The following TMEM131L variants were observed in gnomAD, a reference collection of about 807,000 sequenced individuals.
TMEM131L encodes transmembrane protein 131-like.
In TMEM131L, 54 loss-of-function variants were observed where a neutral mutation model predicts 192.2. The ratio of observed to expected loss-of-function variants is 0.28; its 90% CI spans 0.23 to 0.35. The LOEUF (loss-of-function observed/expected upper bound fraction) is 0.35, where lower values mean the gene tolerates loss of function less well. Ranked by LOEUF, TMEM131L falls within the 10% of genes least tolerant of loss-of-function variation. TMEM131L has a pLI of 1.00. For synonymous variants in TMEM131L, 701 were observed against 704.9 expected (o/e 0.99, Z 0.09); for missense variants, 1,888 against 1,972.9 (o/e 0.96, Z 0.82).
chr4:153,484,460 TTTTTA>T (rs1732163753), intron 3 of TMEM131L, among the ~76,000 whole-genome samples: 2 of 151,686 alleles, frequency 1.3e-5, no homozygotes, highest in South Asian at 2.1e-4. Flanking sequence ...ATTTTTATTA[TTTTTA>T]TTTTATTTTT....
At chr4:153,546,654 G>T (rs912836608) in intron 3 of TMEM131L, among the ~76,000 whole-genome samples, 1 of 152,152 alleles carries the variant, frequency 6.6e-6, no homozygotes, top group Admixed American at 6.5e-5. Flanking sequence ...TGAGCCAGGC[G>T]CAGTGGCTCA....
intron 21 of TMEM131L, among the ~76,000 whole-genome samples, chr4:153,601,289 T>C (rs571167491): frequency 1.9e-4 from 29 of 152,224 alleles, no homozygotes; most frequent in Admixed American, 7.9e-4. Flanking sequence ...CCCAGCACTT[T>C]AGGTTTCTGA....
At chr4:153,598,059 T>C (rs1335161113) in intron 20 of TMEM131L, among the ~76,000 whole-genome samples, 1 of 152,048 alleles carries the variant, frequency 6.6e-6, no homozygotes. Context: ...ATACATGTTA[T>C]TTATGGGGTA....
intron 2 of TMEM131L, among the ~76,000 whole-genome samples, chr4:153,473,558 C>T (rs943883839): frequency 9.9e-5 from 15 of 152,130 alleles, no homozygotes; most frequent in African/African-American, 3.6e-4. Context: ...CTTTGGGAGG[C>T]CGAGGCGGGT....
At position 153,528,331 on chromosome 4, in the gene TMEM131L, T is replaced by G. The variant is rs568813874; in HGVS notation, c.240-21742T>G. 2.1e-4 allele frequency among the ~76,000 whole-genome samples: 32 copies of G among 152,352 alleles called. No homozygotes were observed. In the East Asian group the frequency reaches 5.8e-3, roughly 28 times the overall value. ...TTGTGTGGGTGATAAAACATAAGTT[T>G]TGTATTTGATGTATCCTTTTCCAGT... On this transcript the variant is annotated intron_variant, in intron 3 of 34. Coordinates refer to ENST00000409959, the MANE Select transcript of TMEM131L (RefSeq NM_001131007.2).
At chr4:153,466,656 G>C (rs74511273) in intron 1 of TMEM131L, 135 bp downstream of exon 1, 1 of 866,944 alleles carries the variant, frequency 1.2e-6, no homozygotes, top group Non-Finnish European at 1.5e-6. Context: ...AAGCTGTTGC[G>C]ATTCTCCGCT....
chr4:153,467,388 C>A, intron 2 of TMEM131L, 107 bp downstream of exon 2: 1 of 972,050 alleles, frequency 1.0e-6, no homozygotes, highest in Non-Finnish European at 1.6e-6. Flanking sequence ...GCGTTCGGGC[C>A]ACTTTGCAAG....
In TMEM131L at chr4:153,586,441, C is replaced by G. The variant is rs141927868; in HGVS notation, c.1482+62C>G. On this transcript the variant is annotated intron_variant, in intron 14 of 34. Coordinates refer to ENST00000409959, the MANE Select transcript of TMEM131L (RefSeq NM_001131007.2). ...CTTAATTACTGTTGCTTTTTATTAA[C>G]CTTTAGTGCTTGAGTTTTATTAACT... is the stretch of plus-strand genomic sequence containing the variant. 1.5e-3 allele frequency: 1,912 copies of G among 1,261,974 alleles called. 9 individuals are homozygous for G. The highest frequency in any genetic ancestry group is 9.3e-3 in the South Asian group (613 of 65,888). The allele number at this position is 1,261,974 out of a possible 1,614,324, so 78.2% of individuals were successfully genotyped here.
In TMEM131L at chr4:153,585,386, T is replaced by G. The variant is rs1414002699; in HGVS notation, c.1158-72T>G. On this transcript the variant is annotated intron_variant, in intron 12 of 34. Transcript: ENST00000409959. ...TTTTATGATGCTCCTGTTTTTGCAA[T>G]TAGAGGCTCATAAGAGGGCTGACTG... The G allele has an allele frequency of 2.1e-6, 3 of 1,445,862 alleles. No homozygotes were observed. In the East Asian group the frequency reaches 7.0e-5, roughly 34 times the overall value. The allele number at this position is 1,445,862 out of a possible 1,614,324, so 89.6% of individuals were successfully genotyped here. A position where few individuals can be genotyped will look rare whatever the true frequency, so the allele number is the denominator to read the frequency against.
At chr4:153,503,640 G>A (rs1733760537) in intron 3 of TMEM131L, among the ~76,000 whole-genome samples, 1 of 152,166 alleles carries the variant, frequency 6.6e-6, no homozygotes, top group African/African-American at 2.4e-5. Flanking sequence ...CATGATGTGG[G>A]TCCTACAACT....
chr4:153,474,509 GAT>G (rs1489169449), intron 3 of TMEM131L, among the ~76,000 whole-genome samples: 1 of 152,198 alleles, frequency 6.6e-6, no homozygotes, highest in East Asian at 1.9e-4. Flanking sequence ...AGGATGGTGA[GAT>G]AAGGTATGTA....
rs57314018 is a variant in TMEM131L, at chr4:153,532,446, TA to T, written c.240-17614del. Among the ~76,000 whole-genome samples, 710 of 144,798 alleles carry T rather than the reference TA, an allele frequency of 4.9e-3. 5 individuals carry two copies. Among genetic ancestry groups the T allele is most frequent in the African/African-American group, 0.013 (490 of 39,082 alleles). The allele number at this position is 144,798 out of a possible 152,430, so 95.0% of individuals were successfully genotyped here. ...TTACTTGCTATTAGTGCTTTTTTTT[TA>T]AAAAAAAAAAAAGCTTTATTGAGAT... On this transcript the variant is annotated intron_variant, in intron 3 of 34. Coordinates refer to ENST00000409959, the MANE Select transcript of TMEM131L (RefSeq NM_001131007.2).
chr4:153,486,083 G>A (rs1351739606), intron 3 of TMEM131L, among the ~76,000 whole-genome samples: 2 of 152,108 alleles, frequency 1.3e-5, no homozygotes, highest in African/African-American at 4.8e-5. Context: ...GACTAAGTCC[G>A]AGATTAACGG....
chr4:153,627,776 G>A (rs1310675695), intron 31 of TMEM131L, 89 bp downstream of exon 31: 1 of 1,112,666 alleles, frequency 9.0e-7, no homozygotes, highest in African/African-American at 1.5e-5. Flanking sequence ...GACAGAGCAG[G>A]CGGGGTGGGA....
intron 13 of TMEM131L, 147 bp from the exon 14 acceptor site, chr4:153,586,062 T>G (rs1730679261): frequency 3.6e-6 from 2 of 551,620 alleles, no homozygotes; most frequent in South Asian, 8.7e-5. Context: ...ATCATTTCTA[T>G]AAAAATATTC....
At chr4:153,501,872 G>A (rs1733630044) in intron 3 of TMEM131L, among the ~76,000 whole-genome samples, 1 of 151,610 alleles carries the variant, frequency 6.6e-6, no homozygotes, top group South Asian at 2.1e-4. Flanking sequence ...CCTCCAGGAT[G>A]GAGGAAGGAG....
At chr4:153,526,736 C>CAAA (rs562115030) in intron 3 of TMEM131L, among the ~76,000 whole-genome samples, 1 of 115,438 alleles carries the variant, frequency 8.7e-6, no homozygotes, top group Non-Finnish European at 1.8e-5. Flanking sequence ...GACTCTGTCT[C>CAAA]AAAAAAAAAA....
At chr4:153,590,576 CTATTGATAATCCTTG>C (rs1320896023) in intron 16 of TMEM131L, among the ~76,000 whole-genome samples, 1 of 152,188 alleles carries the variant, frequency 6.6e-6, no homozygotes, top group East Asian at 1.9e-4. Context: ...GTTTTAGTAT[CTATTGATAATCCTTG>C]CCAGAATCAA....
intron 7 of TMEM131L, among the ~76,000 whole-genome samples, chr4:153,568,136 A>G (rs1729346139): frequency 6.6e-6 from 1 of 152,164 alleles, no homozygotes; most frequent in Non-Finnish European, 1.5e-5. Context: ...ACTTCTAAAA[A>G]TTTTCTTAAG....
Sources: gnomAD v4.1 joint callset for allele counts (sites outside exome capture counted in the v4.1 genomes callset) on GRCh38, gnomAD v4.1.1 for gene constraint, MANE v1.5 for transcripts, NCBI Gene and HGNC (gene_info 2026-07-23, HGNC 2026-07-21) for gene names.